Variants in KCNU1 observed in about 807,000 individuals in gnomAD.
KCNU1 encodes the protein potassium channel subfamily U member 1.
A neutral mutation model predicts 126.8 loss-of-function variants in KCNU1; 93 were observed. The observed-to-expected ratio is 0.73, with a 90% CI of 0.62 to 0.87. The LOEUF (loss-of-function observed/expected upper bound fraction) is 0.87. Ranked by LOEUF, KCNU1 falls within the 40% of genes least tolerant of loss-of-function variation. The probability of loss-of-function intolerance (pLI) is 0.00; values close to 1 mark genes in which losing one functional copy is unlikely to be tolerated. For synonymous variants in KCNU1, 523 were observed against 494.2 expected (o/e 1.06, Z -0.77); for missense variants, 1,330 against 1,367.1 (o/e 0.97, Z 0.43).
At chr8:36,930,021 A>G (rs1035829691) in intron 24 of KCNU1, among the ~76,000 whole-genome samples, 1 of 152,166 alleles carries the variant, frequency 6.6e-6, no homozygotes, top group Non-Finnish European at 1.5e-5. Context: ...ATGAATAACA[A>G]TTGAAGTTAT....
chr8:36,830,414 G>A (rs1444604554), intron 10 of KCNU1, among the ~76,000 whole-genome samples: 1 of 151,688 alleles, frequency 6.6e-6, no homozygotes, highest in Non-Finnish European at 1.5e-5. Context: ...TCTTAACTCT[G>A]AAGAAATATT....
At chr8:36,830,264 C>T (rs1381321650) in intron 10 of KCNU1, among the ~76,000 whole-genome samples, 1 of 151,384 alleles carries the variant, frequency 6.6e-6, no homozygotes, top group Non-Finnish European at 1.5e-5. Flanking sequence ...TGAAAAAGAG[C>T]AGTGATGATA....
At chr8:36,832,475 G>A (rs567527554) in intron 10 of KCNU1, among the ~76,000 whole-genome samples, 2 of 152,128 alleles carry the variant, frequency 1.3e-5, no homozygotes, top group Non-Finnish European at 2.9e-5. Flanking sequence ...ACACTTTTAA[G>A]TAATTTGTTC....
chr8:36,797,977 G>A (rs1803166606), intron 2 of KCNU1, among the ~76,000 whole-genome samples: 1 of 152,180 alleles, frequency 6.6e-6, no homozygotes, highest in Non-Finnish European at 1.5e-5. Flanking sequence ...GGGAGTACAA[G>A]ACGAGGCATG....
At chr8:36,906,556 T>TA (rs778672636) in intron 20 of KCNU1, among the ~76,000 whole-genome samples, 4 of 152,334 alleles carry the variant, frequency 2.6e-5, no homozygotes, top group Admixed American at 6.5e-5. Flanking sequence ...TAAATTTAAC[T>TA]AATAAAAATG....
intron 10 of KCNU1, among the ~76,000 whole-genome samples, chr8:36,825,195 G>T (rs1296880138): frequency 6.6e-6 from 1 of 152,000 alleles, no homozygotes; most frequent in Non-Finnish European, 1.5e-5. Context: ...TAAGATAGTG[G>T]TACTTCTTGT....
At chr8:36,790,111 A>G (rs1386684450) in intron 2 of KCNU1, among the ~76,000 whole-genome samples, 1 of 152,240 alleles carries the variant, frequency 6.6e-6, no homozygotes, top group Non-Finnish European at 1.5e-5. Flanking sequence ...AACTGTCAAA[A>G]GTAAGCCAGG....
At chr8:36,826,815 A>T (rs1036751964) in intron 10 of KCNU1, among the ~76,000 whole-genome samples, 4 of 152,096 alleles carry the variant, frequency 2.6e-5, no homozygotes, top group African/African-American at 9.7e-5. Flanking sequence ...AGATGATTTC[A>T]TCACCCAGGT....
At chr8:36,878,685 T>C (rs928469777) in intron 19 of KCNU1, among the ~76,000 whole-genome samples, 6 of 151,824 alleles carry the variant, frequency 4.0e-5, no homozygotes, top group African/African-American at 1.5e-4. Flanking sequence ...AAAGGATTTA[T>C]TCCAAATAAG....
intron 5 of KCNU1, among the ~76,000 whole-genome samples, chr8:36,806,654 G>C (rs1056139525): frequency 6.6e-6 from 1 of 152,086 alleles, no homozygotes; most frequent in Non-Finnish European, 1.5e-5. Context: ...TCATTCCCCT[G>C]GTAGCACCTT....
At chr8:36,889,127 C>T in intron 19 of KCNU1, 1 of 533,272 alleles carries the variant, frequency 1.9e-6, no homozygotes, top group Non-Finnish European at 3.8e-6. Context: ...GATCCACCTG[C>T]TTTGGCCTTC....
intron 19 of KCNU1, among the ~76,000 whole-genome samples, chr8:36,885,557 T>C (rs1806664767): frequency 6.6e-6 from 1 of 151,508 alleles, no homozygotes; most frequent in African/African-American, 2.4e-5. Flanking sequence ...CTGTCTCAAA[T>C]TAAAAAAATA....
intron 19 of KCNU1, among the ~76,000 whole-genome samples, chr8:36,879,384 AAT>A (rs1474709057): frequency 6.6e-6 from 1 of 151,862 alleles, no homozygotes; most frequent in Non-Finnish European, 1.5e-5. Flanking sequence ...TTGTGGTATA[AAT>A]CTAACCTTGA....
At chr8:36,800,581 C>T (rs1803267118) in intron 2 of KCNU1, among the ~76,000 whole-genome samples, 1 of 152,228 alleles carries the variant, frequency 6.6e-6, no homozygotes, top group African/African-American at 2.4e-5. Context: ...CACTATTTGG[C>T]TGGGTGGCCC....
intron 24 of KCNU1, among the ~76,000 whole-genome samples, chr8:36,929,810 C>T (rs945867203): frequency 2.6e-5 from 4 of 152,052 alleles, no homozygotes; most frequent in Non-Finnish European, 5.9e-5. Flanking sequence ...GGCCTGGTTT[C>T]GTGTCAGGAT....
chr8:36,894,975 A>C (rs1403772398), intron 19 of KCNU1, among the ~76,000 whole-genome samples: 2 of 152,142 alleles, frequency 1.3e-5, no homozygotes, highest in African/African-American at 4.8e-5. Context: ...ATTAGCTCTC[A>C]TGAACTTTGC....
intron 24 of KCNU1, among the ~76,000 whole-genome samples, chr8:36,926,194 T>C (rs1156677616): frequency 6.6e-6 from 1 of 152,212 alleles, no homozygotes; most frequent in Admixed American, 6.5e-5. Context: ...GGGTAAATAA[T>C]CTGCCAAAGG....
At chr8:36,834,949 A>T in intron 12 of KCNU1, 81 bp downstream of exon 12, 1 of 906,582 alleles carries the variant, frequency 1.1e-6, no homozygotes, top group Non-Finnish European at 1.7e-6. Context: ...TAAGCATAAA[A>T]AGGAGAAAAT....
At position 36,840,462 on chromosome 8, in the gene KCNU1, G is replaced by C; in HGVS notation, c.1519-1G>C. On this transcript the variant is annotated splice_acceptor_variant, in intron 14 of 26. Transcript: ENST00000399881. LOFTEE classifies it high-confidence loss of function. Reference sequence around the variant, plus strand: ...TCGTGTGGCATGATTATGTATTCCAGGTTATGCCTAAACAGACCTGGAAGA... The same window carrying C: ...TCGTGTGGCATGATTATGTATTCCACGTTATGCCTAAACAGACCTGGAAGA... The C allele has an allele frequency of 6.6e-7, 1 of 1,509,750 alleles. No homozygotes were observed. The highest frequency in any genetic ancestry group is 9.2e-7 in the Non-Finnish European group (1 of 1,087,368). 93.5% of individuals were successfully genotyped at this position (1,509,750 alleles called of 1,614,324 possible). A position where few individuals can be genotyped will look rare whatever the true frequency, so the allele number is the denominator to read the frequency against.
Sources: allele counts gnomAD v4.1 joint callset (sites outside exome capture counted in the v4.1 genomes callset), GRCh38; gene constraint gnomAD v4.1.1; transcripts MANE v1.5; gene names NCBI Gene and HGNC (gene_info 2026-07-23, HGNC 2026-07-21).